The following SEMA3A variants were observed in gnomAD, a reference collection of about 807,000 sequenced individuals.
The protein encoded by SEMA3A is semaphorin-3A.
In SEMA3A, 29 loss-of-function variants were observed where a neutral mutation model predicts 97.9. That is an observed-to-expected ratio of 0.30 (90% CI 0.22 to 0.40). The LOEUF (loss-of-function observed/expected upper bound fraction) is 0.40, where lower values mean the gene tolerates loss of function less well. Ranked by LOEUF, SEMA3A falls within the 10% of genes least tolerant of loss-of-function variation. The pLI is 1.00. For missense variants in SEMA3A, 763 were observed against 951.3 expected, an observed-to-expected ratio of 0.80 and a Z score of 2.60; for synonymous variants, 321 against 323.7, an observed-to-expected ratio of 0.99 and a Z score of 0.09.
intron 7 of SEMA3A, among the ~76,000 whole-genome samples, chr7:84,012,318 CA>C (rs1440449172): frequency 1.3e-5 from 2 of 152,100 alleles, no homozygotes; most frequent in Non-Finnish European, 2.9e-5. Context: ...ATGTTGCACA[CA>C]GTAAATATAT....
chr7:84,324,900 G>A (rs1031946035), intron 2 of SEMA3A, among the ~76,000 whole-genome samples: 8 of 152,144 alleles, frequency 5.3e-5, no homozygotes, highest in Admixed American at 2.6e-4. Flanking sequence ...TAAGGCATGT[G>A]TGGCATTGTA....
chr7:83,975,822 A>G (rs752794286), intron 15 of SEMA3A, among the ~76,000 whole-genome samples: 5 of 152,232 alleles, frequency 3.3e-5, no homozygotes, highest in African/African-American at 4.8e-5. Flanking sequence ...TCATAATTCA[A>G]TATTTTTCCA....
intron 4 of SEMA3A, among the ~76,000 whole-genome samples, chr7:84,093,292 A>G (rs933511898): frequency 2.0e-5 from 3 of 152,202 alleles, no homozygotes; most frequent in Non-Finnish European, 2.9e-5. Context: ...TACTTCAGAC[A>G]AAGTCTCTAA....
chr7:84,224,804 C>A (rs1443027273), intron 3 of SEMA3A, among the ~76,000 whole-genome samples: 2 of 152,094 alleles, frequency 1.3e-5, no homozygotes, highest in African/African-American at 2.4e-5. Flanking sequence ...ATAGACAGAC[C>A]TTTTTCCCAT....
intron 4 of SEMA3A, among the ~76,000 whole-genome samples, chr7:84,068,268 T>A (rs1391866926): frequency 4.4e-5 from 6 of 136,932 alleles, no homozygotes; most frequent in African/African-American, 1.7e-4. Flanking sequence ...CTCTGGGGAC[T>A]GTTGTGGGGT....
At position 83,958,322 on chromosome 7, in the gene SEMA3A, G is replaced by C. The variant is rs1788344061; in HGVS notation, c.*3049C>G. 6.6e-6 allele frequency: 1 copy of C among 152,604 alleles called. No homozygotes were observed. Among genetic ancestry groups the C allele is most frequent in the South Asian group, 2.1e-4 (1 of 4,826 alleles). The allele number at this position is 152,604 out of a possible 1,614,324, so 9.5% of individuals were successfully genotyped here. ...TTAACACCATATGTTATAGGGAACA[G>C]TAAAGACATCTGAATTCAAATATTT... On this transcript the variant is annotated 3_prime_UTR_variant, in exon 17 of 17. Coordinates refer to ENST00000265362, the MANE Select transcript of SEMA3A (RefSeq NM_006080.3).
intron 3 of SEMA3A, among the ~76,000 whole-genome samples, chr7:84,262,150 G>C (rs183100886): frequency 1.5e-4 from 23 of 152,070 alleles, no homozygotes; most frequent in Admixed American, 3.9e-4. Flanking sequence ...AACCATAGCA[G>C]GTATACTTTT....
At chr7:84,038,913 A>G (rs973637451) in intron 6 of SEMA3A, among the ~76,000 whole-genome samples, 4 of 152,138 alleles carry the variant, frequency 2.6e-5, no homozygotes, top group Admixed American at 2.0e-4. Flanking sequence ...TATGATTTTA[A>G]TACTGAAGCT....
chr7:84,127,691 C>T (rs187151023), intron 3 of SEMA3A, among the ~76,000 whole-genome samples: 108 of 152,278 alleles, frequency 7.1e-4, no homozygotes, highest in Admixed American at 4.3e-3. Flanking sequence ...GGCAACATTG[C>T]TGCTAGATTG....
At chr7:84,236,427 C>A (rs1799237303) in intron 3 of SEMA3A, among the ~76,000 whole-genome samples, 1 of 152,108 alleles carries the variant, frequency 6.6e-6, no homozygotes, top group Non-Finnish European at 1.5e-5. Flanking sequence ...ACACAGTCAT[C>A]AGTATTAATT....
chr7:84,281,323 G>T (rs1157071566), intron 3 of SEMA3A, among the ~76,000 whole-genome samples: 1 of 152,092 alleles, frequency 6.6e-6, no homozygotes, highest in African/African-American at 2.4e-5. Flanking sequence ...GAAAGGAAAG[G>T]CCAGCCTTAT....
intron 1 of SEMA3A, among the ~76,000 whole-genome samples, chr7:84,444,928 T>C (rs1335493880): frequency 1.3e-5 from 2 of 152,280 alleles, no homozygotes; most frequent in East Asian, 1.9e-4. Flanking sequence ...GATTTCATCT[T>C]TCTTCACCCA....
intron 1 of SEMA3A, among the ~76,000 whole-genome samples, chr7:84,173,298 G>A (rs887585179): frequency 1.3e-5 from 2 of 151,908 alleles, no homozygotes; most frequent in African/African-American, 4.8e-5. Flanking sequence ...GCTCACGTCC[G>A]TAATCCCAGC....
intron 3 of SEMA3A, among the ~76,000 whole-genome samples, chr7:84,295,030 T>C (rs1483089365): frequency 6.6e-6 from 1 of 152,078 alleles, no homozygotes; most frequent in Non-Finnish European, 1.5e-5. Flanking sequence ...TAATTTTTCT[T>C]AGTTTCCTTA....
At chr7:84,415,512 A>G (rs1160591676) in intron 1 of SEMA3A, among the ~76,000 whole-genome samples, 1 of 152,110 alleles carries the variant, frequency 6.6e-6, no homozygotes, top group African/African-American at 2.4e-5. Context: ...TTTCACAATT[A>G]TTTTCATATT....
chr7:84,476,242 C>T (rs1806276284), intron 1 of SEMA3A, among the ~76,000 whole-genome samples: 1 of 151,606 alleles, frequency 6.6e-6, no homozygotes, highest in South Asian at 2.1e-4. Flanking sequence ...CCTGTAATCC[C>T]AGCTACTCAG....
chr7:84,142,445 A>G (rs1231656170), intron 1 of SEMA3A, among the ~76,000 whole-genome samples: 2 of 152,198 alleles, frequency 1.3e-5, no homozygotes, highest in African/African-American at 4.8e-5. Context: ...CAGATAGGCT[A>G]TCAGGAATAT....
intron 9 of SEMA3A, among the ~76,000 whole-genome samples, chr7:84,010,641 A>G (rs1459784381): frequency 6.6e-6 from 1 of 152,178 alleles, no homozygotes. Context: ...TTATATTTTC[A>G]ACAAATTTTA....
intron 1 of SEMA3A, among the ~76,000 whole-genome samples, chr7:84,486,336 C>T (rs1806573253): frequency 6.6e-6 from 1 of 152,144 alleles, no homozygotes; most frequent in African/African-American, 2.4e-5. Context: ...TGCAGTGAGC[C>T]AAGATCGTGC....
Sources: gnomAD v4.1 joint callset for allele counts (sites outside exome capture counted in the v4.1 genomes callset) on GRCh38, gnomAD v4.1.1 for gene constraint, MANE v1.5 for transcripts, NCBI Gene and HGNC (gene_info 2026-07-23, HGNC 2026-07-21) for gene names.